Variants in AP4E1 observed in about 807,000 individuals in gnomAD.
The protein encoded by AP4E1 is adaptor related protein complex 4 subunit epsilon 1, also known as AP-4 complex subunit epsilon-1.
In AP4E1, 56 loss-of-function variants were observed where a neutral mutation model predicts 128.2. The ratio of observed to expected loss-of-function variants is 0.44; its 90% CI spans 0.35 to 0.55. AP4E1 has a LOEUF of 0.55. Among genes scored for constraint, AP4E1 ranks in the 20% least tolerant of loss-of-function variants. The probability of loss-of-function intolerance (pLI) is 0.00; values close to 1 mark genes in which losing one functional copy is unlikely to be tolerated. For missense variants in AP4E1, 1,324 were observed against 1,307.7 expected (o/e 1.01, Z -0.19); for synonymous variants, 484 against 473.1 (o/e 1.02, Z -0.30).
At chr15:50,988,574 C>G (rs2064761826) in intron 16 of AP4E1, among the ~76,000 whole-genome samples, 1 of 152,142 alleles carries the variant, frequency 6.6e-6, no homozygotes, top group African/African-American at 2.4e-5. Context: ...CTCGGCCTCC[C>G]AAAGTGCTGG....
In AP4E1 at chr15:50,950,125, G is replaced by C; in HGVS notation, c.1504G>C (p.Glu502Gln). The change falls in exon 13 of 21, where the codon GAA becomes CAA. Residue 502 changes from glutamate (E) to glutamine (Q), a missense_variant. Transcript: ENST00000261842. ...VQSYLTLLDMENVFYPQRFLQ... is the reference protein window; with the variant it reads ...VQSYLTLLDMQNVFYPQRFLQ... ...GTCTTATCTCACTTTACTGGATATG[G>C]AAAATGTGTTCTATCCACAGAGATT... is the stretch of plus-strand genomic sequence containing the variant. 1 of 1,613,158 alleles carries C rather than the reference G, an allele frequency of 6.2e-7. No individual in the cohort carries two copies. The highest frequency in any genetic ancestry group is 8.5e-7 in the Non-Finnish European group (1 of 1,179,516).
chr15:50,922,406 C>G (rs573701108), intron 3 of AP4E1, among the ~76,000 whole-genome samples: 1 of 152,186 alleles, frequency 6.6e-6, no homozygotes, highest in Admixed American at 6.6e-5. Context: ...TTTGTTTCAA[C>G]TCTTAAGATT....
At chr15:50,970,027 T>G (rs563418536) in intron 15 of AP4E1, among the ~76,000 whole-genome samples, 1 of 152,338 alleles carries the variant, frequency 6.6e-6, no homozygotes, top group East Asian at 1.9e-4. Context: ...AGTAATTCTA[T>G]AGTGGTCTAG....
In AP4E1 at chr15:50,999,074, G is replaced by T. The variant is rs778511777; in HGVS notation, c.2907G>T (p.Val969=). Residue 969 remains valine (V), a splice_region_variant and synonymous_variant, in exon 19 of 21, where the codon GTG becomes GTT. Coordinates refer to ENST00000261842, the MANE Select transcript of AP4E1 (RefSeq NM_007347.5). The part of the protein sequence containing the change: ...LEIFPAENFK[V]TEQPGCCLPV... ...ACTTTTATTACTTCTATTTGCAGGT[G>T]ACTGAGCAACCTGGATGCTGTTTGC... The T allele has an allele frequency of 1.2e-6, 2 of 1,613,942 alleles. No individual in the cohort carries two copies. The highest frequency in any genetic ancestry group is 1.7e-6 in the Non-Finnish European group (2 of 1,179,922).
chr15:50,926,812 G>A (rs999108398), intron 5 of AP4E1, among the ~76,000 whole-genome samples: 1 of 151,944 alleles, frequency 6.6e-6, no homozygotes, highest in African/African-American at 2.4e-5. Context: ...AGCTGGTCTC[G>A]AACTCCTGAC....
intron 15 of AP4E1, among the ~76,000 whole-genome samples, chr15:50,969,145 C>G (rs1477995333): frequency 6.6e-6 from 1 of 151,946 alleles, no homozygotes; most frequent in Admixed American, 6.6e-5. Flanking sequence ...TTTTCCTGAT[C>G]CTCACCCTCC....
chr15:50,995,980 C>CTTTTTTT (rs1199189475), intron 17 of AP4E1, among the ~76,000 whole-genome samples: 2 of 91,796 alleles, frequency 2.2e-5, no homozygotes, highest in Non-Finnish European at 4.1e-5. Context: ...TAATATACAT[C>CTTTTTTT]TTTTTTTTTT....
chr15:50,963,941 A>G (rs1411591172), intron 14 of AP4E1, among the ~76,000 whole-genome samples: 1 of 152,248 alleles, frequency 6.6e-6, no homozygotes, highest in Non-Finnish European at 1.5e-5. Context: ...AGACACTCTT[A>G]TTCCTATTTA....
chr15:51,003,428 C>CA lies in AP4E1; in HGVS notation c.*771dup, dbSNP rs1356557122. ...CACACAGTAACAAAGCAAACAGATA[C>CA]AAAAATGACTTTTTAGTTATGACAA... On this transcript the variant is annotated 3_prime_UTR_variant, in exon 21 of 21. Transcript: ENST00000261842. 6.6e-6 allele frequency: 1 copy of CA among 152,272 alleles called. No homozygotes were observed. The highest frequency in any genetic ancestry group is 2.4e-5 in the African/African-American group (1 of 41,442). The allele number at this position is 152,272 out of a possible 1,614,324, so 9.4% of individuals were successfully genotyped here. A position where few individuals can be genotyped will look rare whatever the true frequency, so the allele number is the denominator to read the frequency against.
At chr15:50,938,730 C>G (rs1203819238) in intron 8 of AP4E1, among the ~76,000 whole-genome samples, 1 of 152,110 alleles carries the variant, frequency 6.6e-6, no homozygotes, top group Non-Finnish European at 1.5e-5. Context: ...CTCATAGTGT[C>G]ACTGGAGGCC....
intron 3 of AP4E1, among the ~76,000 whole-genome samples, chr15:50,918,903 G>T (rs991217352): frequency 2.6e-5 from 4 of 151,968 alleles, no homozygotes; most frequent in Admixed American, 6.6e-5. Context: ...GCTTATTTTT[G>T]ATTTTTTTTT....
At position 50,997,174 on chromosome 15, in the gene AP4E1, T is replaced by C. The variant is rs1383834906; in HGVS notation, c.2347-152T>C. On this transcript the variant is annotated intron_variant, in intron 17 of 20. Coordinates refer to ENST00000261842, the MANE Select transcript of AP4E1 (RefSeq NM_007347.5). Reference sequence around the variant, plus strand: ...GCTGTCAGGATTTTAGGGCTTAACATGTTATTTATCTCTGATTCTTTACTA... The same window carrying C: ...GCTGTCAGGATTTTAGGGCTTAACACGTTATTTATCTCTGATTCTTTACTA... 3 of 653,988 alleles carry C rather than the reference T, an allele frequency of 4.6e-6. No homozygotes were observed. The Admixed American group carries it at 1.1e-4, about 24-fold the overall frequency. 40.5% of individuals were successfully genotyped at this position (653,988 alleles called of 1,614,324 possible).
At chr15:50,924,786 T>C (rs2063749644) in intron 4 of AP4E1, among the ~76,000 whole-genome samples, 1 of 152,216 alleles carries the variant, frequency 6.6e-6, no homozygotes, top group African/African-American at 2.4e-5. Flanking sequence ...GAAAAACTCA[T>C]AAAATTGTTT....
intron 14 of AP4E1, among the ~76,000 whole-genome samples, chr15:50,964,955 CCACACACACA>C (rs55825810): frequency 1.3e-4 from 17 of 131,460 alleles, no homozygotes; most frequent in Admixed American, 3.1e-4. Context: ...CCTCCCCCTA[CCACACACACA>C]CACACACACA....
chr15:50,939,379 A>G (rs1419932341), intron 8 of AP4E1, among the ~76,000 whole-genome samples: 1 of 152,064 alleles, frequency 6.6e-6, no homozygotes, highest in Non-Finnish European at 1.5e-5. Context: ...AGGCCAAGGC[A>G]GGAGAATCAC....
intron 16 of AP4E1, 128 bp from the exon 17 acceptor site, chr15:50,993,242 A>T: frequency 1.1e-6 from 1 of 930,782 alleles, no homozygotes; most frequent in Non-Finnish European, 1.7e-6. Flanking sequence ...TACTTCTGGT[A>T]TATAGAATAT....
intron 3 of AP4E1, among the ~76,000 whole-genome samples, chr15:50,919,574 A>G (rs1051658213): frequency 3.4e-4 from 47 of 138,692 alleles, no homozygotes; most frequent in South Asian, 3.4e-3. Context: ...AAATAAATAA[A>G]TAAGTAAATA....
intron 16 of AP4E1, among the ~76,000 whole-genome samples, chr15:50,989,584 A>G (rs1296170041): frequency 6.6e-6 from 1 of 151,322 alleles, no homozygotes; most frequent in Non-Finnish European, 1.5e-5. Flanking sequence ...GTTTGTGGGC[A>G]TTTGATGATG....
chr15:50,964,958 CACACA>C, intron 14 of AP4E1, among the ~76,000 whole-genome samples: 1 of 141,578 alleles, frequency 7.1e-6, no homozygotes, highest in Non-Finnish European at 1.6e-5. Context: ...CCCCCTACCA[CACACA>C]CACACACACA....
Sources: allele counts gnomAD v4.1 joint callset (sites outside exome capture counted in the v4.1 genomes callset), GRCh38; gene constraint gnomAD v4.1.1; transcripts MANE v1.5; gene names NCBI Gene and HGNC (gene_info 2026-07-23, HGNC 2026-07-21).